Variants in USH2A observed in about 807,000 individuals in gnomAD.
USH2A encodes the protein usherin, also known as Usher syndrome 2A (autosomal recessive, mild).
In USH2A, 443 loss-of-function variants were observed where a neutral mutation model predicts 538.9. The observed-to-expected ratio is 0.82, with a 90% CI of 0.76 to 0.89. The LOEUF (loss-of-function observed/expected upper bound fraction) is 0.89, where lower values mean the gene tolerates loss of function less well. USH2A is among the 40% of genes least tolerant of loss of function. USH2A has a pLI of 0.00. For missense variants in USH2A, 6,633 were observed against 6,324.8 expected, an observed-to-expected ratio of 1.05 and a Z score of -1.65; for synonymous variants, 2,413 against 2,273.5, an observed-to-expected ratio of 1.06 and a Z score of -1.75.
intron 30 of USH2A, among the ~76,000 whole-genome samples, chr1:216,058,023 T>C (rs2031038686): frequency 6.6e-6 from 1 of 152,308 alleles, no homozygotes; most frequent in South Asian, 2.1e-4. Flanking sequence ...CTAAAATATG[T>C]CTTTAAAGTG....
At chr1:215,634,391 T>C in intron 70 of USH2A, 68 bp downstream of exon 70, 1 of 1,611,234 alleles carries the variant, frequency 6.2e-7, no homozygotes, top group Admixed American at 1.7e-5. Context: ...TGACACATTT[T>C]TCTCAGAAGG....
At chr1:216,158,017 T>C (rs1235631689) in intron 21 of USH2A, among the ~76,000 whole-genome samples, 1 of 152,172 alleles carries the variant, frequency 6.6e-6, no homozygotes, top group Non-Finnish European at 1.5e-5. Flanking sequence ...CTAGCTTCTT[T>C]TACTCACTAA....
At chr1:215,937,042 T>C (rs1196498302) in intron 37 of USH2A, among the ~76,000 whole-genome samples, 2 of 152,082 alleles carry the variant, frequency 1.3e-5, no homozygotes, top group Non-Finnish European at 2.9e-5. Flanking sequence ...ACTCAGGAGT[T>C]TTTTTCATGA....
chr1:216,414,730 G>A (rs1233686383), intron 3 of USH2A, among the ~76,000 whole-genome samples: 2 of 151,956 alleles, frequency 1.3e-5, no homozygotes, highest in Non-Finnish European at 2.9e-5. Flanking sequence ...TTTTTCACAT[G>A]CACAGAAACA....
intron 69 of USH2A, 57 bp from the exon 70 acceptor site, chr1:215,634,760 C>T (rs1226096945): frequency 1.2e-6 from 2 of 1,613,500 alleles, no homozygotes; most frequent in Non-Finnish European, 8.5e-7. Context: ...TTTTTGTCAT[C>T]TCTGGCCCTG....
At chr1:216,364,350 T>C (rs1356623692) in intron 4 of USH2A, among the ~76,000 whole-genome samples, 1 of 152,110 alleles carries the variant, frequency 6.6e-6, no homozygotes, top group African/African-American at 2.4e-5. Context: ...TTATTACACA[T>C]TGAAATTACT....
chr1:216,119,812 A>C (rs1374983486), intron 21 of USH2A, among the ~76,000 whole-genome samples: 1 of 152,076 alleles, frequency 6.6e-6, no homozygotes, highest in Non-Finnish European at 1.5e-5. Context: ...GTAGCAGGCA[A>C]TGTTGATATG....
chr1:215,725,236 C>T (rs552297730), intron 61 of USH2A, among the ~76,000 whole-genome samples: 1 of 152,282 alleles, frequency 6.6e-6, no homozygotes, highest in African/African-American at 2.4e-5. Context: ...TCTGGAACTC[C>T]TGACCTTGTG....
intron 4 of USH2A, among the ~76,000 whole-genome samples, chr1:216,362,965 A>T (rs957773797): frequency 6.6e-6 from 1 of 150,956 alleles, no homozygotes; most frequent in Admixed American, 6.6e-5. Flanking sequence ...TAAAATAATA[A>T]TATTATTATT....
intron 47 of USH2A, among the ~76,000 whole-genome samples, chr1:215,824,637 G>A (rs1443148599): frequency 6.6e-6 from 1 of 152,132 alleles, no homozygotes; most frequent in Non-Finnish European, 1.5e-5. Context: ...CAGGGCTGGT[G>A]ATGGTAGTCC....
intron 13 of USH2A, among the ~76,000 whole-genome samples, chr1:216,246,063 G>A (rs914912880): frequency 5.9e-5 from 9 of 152,164 alleles, no homozygotes; most frequent in Admixed American, 2.6e-4. Flanking sequence ...AGATAAGTTT[G>A]TATATAATGA....
chr1:215,686,646 A>G (rs1658431896), intron 61 of USH2A, among the ~76,000 whole-genome samples: 1 of 152,114 alleles, frequency 6.6e-6, no homozygotes, highest in Non-Finnish European at 1.5e-5. Context: ...TCTGCAATGC[A>G]ATTTGAAGGA....
chr1:215,666,860 G>A lies in USH2A; in HGVS notation c.14133+4112C>T, dbSNP rs146614918. 2.6e-3 allele frequency among the ~76,000 whole-genome samples: 391 copies of A among 152,294 alleles called. 3 individuals carry two copies. Among genetic ancestry groups the A allele is most frequent in the African/African-American group, 9.3e-3 (386 of 41,562 alleles). On this transcript the variant is annotated intron_variant, in intron 64 of 71. Transcript: ENST00000307340. Reference sequence around the variant, plus strand: ...TAATCCCAGCACTTTGGGAGGCTGAGGCGGGTGGATCATGAGGTCAGGAGA... The same window carrying A: ...TAATCCCAGCACTTTGGGAGGCTGAAGCGGGTGGATCATGAGGTCAGGAGA...
At chr1:216,269,393 C>T (rs1004521697) in intron 11 of USH2A, among the ~76,000 whole-genome samples, 2 of 152,002 alleles carry the variant, frequency 1.3e-5, no homozygotes, top group African/African-American at 4.8e-5. Flanking sequence ...GTGAGGCCTC[C>T]CCAGCCATGT....
intron 61 of USH2A, among the ~76,000 whole-genome samples, chr1:215,682,460 C>G (rs796618732): frequency 4.6e-5 from 7 of 152,234 alleles, no homozygotes; most frequent in African/African-American, 1.4e-4. Context: ...AACATGAGTA[C>G]TTAATGATTA....
intron 61 of USH2A, among the ~76,000 whole-genome samples, chr1:215,687,899 G>A (rs1658483622): frequency 6.6e-6 from 1 of 152,094 alleles, no homozygotes; most frequent in South Asian, 2.1e-4. Flanking sequence ...GAAAGCAAGG[G>A]AGGCAAGGTC....
chr1:216,234,812 G>A (rs696719), intron 13 of USH2A, among the ~76,000 whole-genome samples: 99,614 of 151,884 alleles, frequency 0.66, 32,926 homozygotes, highest in East Asian at 0.76. Context: ...TGGTGCAGAA[G>A]TTGGGTAGTC....
At chr1:216,101,372 C>G (rs1482056760) in intron 21 of USH2A, among the ~76,000 whole-genome samples, 1 of 152,214 alleles carries the variant, frequency 6.6e-6, no homozygotes, top group Non-Finnish European at 1.5e-5. Context: ...TTAACACTCT[C>G]TTTTCCTATA....
intron 44 of USH2A, 72 bp downstream of exon 44, chr1:215,866,935 G>T (rs1279397764): frequency 2.1e-5 from 34 of 1,601,070 alleles, no homozygotes; most frequent in Non-Finnish European, 2.9e-5. Context: ...CATGGGGGAG[G>T]TTCATAGTAA....
Sources: allele counts gnomAD v4.1 joint callset (sites outside exome capture counted in the v4.1 genomes callset), GRCh38; gene constraint gnomAD v4.1.1; transcripts MANE v1.5; gene names NCBI Gene and HGNC (gene_info 2026-07-23, HGNC 2026-07-21).